Variants in CADM2 observed in about 807,000 individuals in gnomAD.
CADM2 encodes the protein immunoglobulin superfamily member 4D.
Under a neutral mutation model 49.8 loss-of-function variants are expected in CADM2, and 12 were observed. The ratio of observed to expected loss-of-function variants is 0.24; its 90% CI spans 0.15 to 0.39. The LOEUF (loss-of-function observed/expected upper bound fraction) is 0.39. Among genes scored for constraint, CADM2 ranks in the 10% least tolerant of loss-of-function variants. The probability of loss-of-function intolerance (pLI) is 1.00; values close to 1 mark genes in which losing one functional copy is unlikely to be tolerated. For missense variants in CADM2, 378 were observed against 492.3 expected (o/e 0.77, Z 2.20); for synonymous variants, 214 against 175.4 (o/e 1.22, Z -1.74).
chr3:85,596,301 C>A, intron 1 of CADM2, among the ~76,000 whole-genome samples: 1 of 151,250 alleles, frequency 6.6e-6, no homozygotes, highest in Non-Finnish European at 1.5e-5. Context: ...ACAAAATCAG[C>A]CATAAAATAT....
intron 2 of CADM2, among the ~76,000 whole-genome samples, chr3:85,739,206 C>T (rs1243105520): frequency 6.6e-6 from 1 of 151,862 alleles, no homozygotes; most frequent in African/African-American, 2.4e-5. Flanking sequence ...ATTTCCATAC[C>T]CAAATAAATC....
At chr3:85,660,467 A>G (rs75311833) in intron 1 of CADM2, among the ~76,000 whole-genome samples, 7,044 of 151,510 alleles carry the variant, frequency 0.046, 209 homozygotes, top group Non-Finnish European at 0.072. Flanking sequence ...CTCAAAATGA[A>G]CAAATTTTCT....
intron 1 of CADM2, among the ~76,000 whole-genome samples, chr3:85,538,380 C>T (rs1005311935): frequency 2.6e-5 from 4 of 151,992 alleles, no homozygotes; most frequent in African/African-American, 9.7e-5. Flanking sequence ...GTGGAGATAC[C>T]AAGGCTCCTT....
chr3:85,974,135 G>T (rs1283095975), intron 8 of CADM2, among the ~76,000 whole-genome samples: 2 of 151,636 alleles, frequency 1.3e-5, no homozygotes, highest in Admixed American at 6.6e-5. Context: ...ACATGTACAC[G>T]GGTGTCTGCA....
chr3:85,310,302 T>G (rs1210240001), intron 1 of CADM2, among the ~76,000 whole-genome samples: 1 of 152,162 alleles, frequency 6.6e-6, no homozygotes, highest in Non-Finnish European at 1.5e-5. Flanking sequence ...CACGGACTGT[T>G]TGGAGGGCAC....
At chr3:85,904,203 T>C (rs1365930785) in intron 5 of CADM2, among the ~76,000 whole-genome samples, 2 of 152,128 alleles carry the variant, frequency 1.3e-5, no homozygotes, top group Non-Finnish European at 2.9e-5. Flanking sequence ...CTTCTTGCTT[T>C]GTCTCTTCTG....
chr3:85,834,375 A>G (rs2074314778), intron 3 of CADM2, among the ~76,000 whole-genome samples: 1 of 151,600 alleles, frequency 6.6e-6, no homozygotes. Flanking sequence ...TTTTAACTAC[A>G]TGGCCTTAAG....
At chr3:85,365,350 T>C (rs1221963630) in intron 1 of CADM2, among the ~76,000 whole-genome samples, 1 of 152,114 alleles carries the variant, frequency 6.6e-6, no homozygotes, top group Non-Finnish European at 1.5e-5. Flanking sequence ...ATCTATGACC[T>C]TGACAATTTT....
At chr3:85,491,692 C>T (rs1406291040) in intron 1 of CADM2, among the ~76,000 whole-genome samples, 4 of 152,030 alleles carry the variant, frequency 2.6e-5, no homozygotes, top group Non-Finnish European at 4.4e-5. Flanking sequence ...TGGCTCACAC[C>T]TGTAATCCCA....
At chr3:85,876,387 G>A (rs1230361692) in intron 3 of CADM2, among the ~76,000 whole-genome samples, 4 of 151,898 alleles carry the variant, frequency 2.6e-5, no homozygotes, top group Admixed American at 1.3e-4. Flanking sequence ...TTGATAATCC[G>A]CATATTCAAT....
chr3:85,144,906 C>G (rs1003766566), intron 1 of CADM2, among the ~76,000 whole-genome samples: 1 of 152,112 alleles, frequency 6.6e-6, no homozygotes, highest in Non-Finnish European at 1.5e-5. Flanking sequence ...CTTTTAACTA[C>G]TCTTAGTGAA....
intron 3 of CADM2, among the ~76,000 whole-genome samples, chr3:85,870,492 G>C (rs958681835): frequency 2.6e-5 from 4 of 152,078 alleles, no homozygotes; most frequent in African/African-American, 9.7e-5. Context: ...TTATAAGTGA[G>C]AAAATGCTGT....
intron 8 of CADM2, among the ~76,000 whole-genome samples, chr3:86,037,852 G>C (rs940918862): frequency 2.0e-5 from 3 of 152,016 alleles, no homozygotes; most frequent in Non-Finnish European, 4.4e-5. Context: ...TTTACTCTAA[G>C]TTCCAGAATA....
chr3:85,797,915 GCAT>G (rs2071726321), intron 2 of CADM2, among the ~76,000 whole-genome samples: 1 of 152,074 alleles, frequency 6.6e-6, no homozygotes, highest in South Asian at 2.1e-4. Flanking sequence ...ATCCTTTCCA[GCAT>G]CTGTTGTTTC....
intron 1 of CADM2, among the ~76,000 whole-genome samples, chr3:85,193,319 A>T (rs1487881586): frequency 6.6e-6 from 1 of 151,804 alleles, no homozygotes; most frequent in Non-Finnish European, 1.5e-5. Context: ...GATAGACTTT[A>T]AGGAGTCTAT....
At chr3:85,686,345 A>G (rs1284121884) in intron 1 of CADM2, among the ~76,000 whole-genome samples, 1 of 152,204 alleles carries the variant, frequency 6.6e-6, no homozygotes, top group Non-Finnish European at 1.5e-5. Flanking sequence ...GTTGCCTTCT[A>G]TGAATTTTTA....
chr3:85,386,186 G>T (rs1250703792), intron 1 of CADM2, among the ~76,000 whole-genome samples: 1 of 152,132 alleles, frequency 6.6e-6, no homozygotes, highest in Non-Finnish European at 1.5e-5. Context: ...TCATACCTGT[G>T]TATAAATTCA....
chr3:85,189,152 A>G (rs2041142152), intron 1 of CADM2, among the ~76,000 whole-genome samples: 1 of 151,844 alleles, frequency 6.6e-6, no homozygotes, highest in African/African-American at 2.4e-5. Flanking sequence ...TAAGCTATTA[A>G]TATTATATAT....
intron 1 of CADM2, among the ~76,000 whole-genome samples, chr3:85,338,039 C>T (rs2107180647): frequency 6.6e-6 from 1 of 151,780 alleles, no homozygotes; most frequent in East Asian, 1.9e-4. Context: ...GCGCCTCTGC[C>T]TATGCCAAAT....
Sources: gnomAD v4.1 joint callset for allele counts (sites outside exome capture counted in the v4.1 genomes callset) on GRCh38, gnomAD v4.1.1 for gene constraint, MANE v1.5 for transcripts, NCBI Gene and HGNC (gene_info 2026-07-23, HGNC 2026-07-21) for gene names.